The following PIK3R4 variants were observed in gnomAD, a reference collection of about 807,000 sequenced individuals.
PIK3R4 encodes the protein phosphoinositide 3-kinase regulatory subunit 4.
A neutral mutation model predicts 136.5 loss-of-function variants in PIK3R4; 46 were observed. That is an observed-to-expected ratio of 0.34 (90% CI 0.27 to 0.43). PIK3R4 has a LOEUF of 0.43. Ranked by LOEUF, PIK3R4 falls within the 20% of genes least tolerant of loss-of-function variation. PIK3R4 has a pLI of 1.00. For missense variants in PIK3R4, 1,331 were observed against 1,649.5 expected (o/e 0.81, Z 3.35); for synonymous variants, 557 against 566.7 (o/e 0.98, Z 0.24).
chr3:130,692,524 G>A (rs76757046), intron 13 of PIK3R4, among the ~76,000 whole-genome samples: 3,681 of 152,288 alleles, frequency 0.024, 139 homozygotes, highest in East Asian at 0.1. Context: ...GGTGTGGTAT[G>A]TAATACCTCA....
intron 4 of PIK3R4, among the ~76,000 whole-genome samples, chr3:130,732,800 A>G (rs1001163100): frequency 1.3e-5 from 2 of 151,958 alleles, no homozygotes; most frequent in African/African-American, 4.8e-5. Context: ...CTTTAAAAAA[A>G]AAAAAAGACA....
At chr3:130,718,343 G>C in intron 8 of PIK3R4, 46 bp downstream of exon 8, 1 of 1,539,064 alleles carries the variant, frequency 6.5e-7, no homozygotes, top group Non-Finnish European at 8.9e-7. Context: ...TTTTTAAAGA[G>C]GCACAGTTTG....
At chr3:130,727,700 C>A (rs1361715850) in intron 6 of PIK3R4, among the ~76,000 whole-genome samples, 1 of 152,104 alleles carries the variant, frequency 6.6e-6, no homozygotes. Flanking sequence ...GCATATATTT[C>A]ATAATTGGCC....
intron 4 of PIK3R4, among the ~76,000 whole-genome samples, chr3:130,732,259 C>T (rs1198223812): frequency 3.3e-5 from 5 of 152,114 alleles, no homozygotes; most frequent in African/African-American, 1.2e-4. Context: ...GCAGATTTTT[C>T]AATAAACAGT....
intron 9 of PIK3R4, among the ~76,000 whole-genome samples, chr3:130,715,163 A>T (rs148884730): frequency 0.011 from 1,370 of 129,926 alleles, 32 homozygotes; most frequent in African/African-American, 0.038. Flanking sequence ...TCTCACTGTC[A>T]CCCAGGCTGG....
At chr3:130,699,981 G>A (rs755500657) in intron 13 of PIK3R4, among the ~76,000 whole-genome samples, 3 of 152,200 alleles carry the variant, frequency 2.0e-5, no homozygotes, top group Non-Finnish European at 2.9e-5. Flanking sequence ...GGCACTATAT[G>A]AGAGTGCATC....
At chr3:130,738,604 A>G (rs1017674031) in intron 2 of PIK3R4, among the ~76,000 whole-genome samples, 7 of 152,108 alleles carry the variant, frequency 4.6e-5, no homozygotes, top group African/African-American at 1.4e-4. Flanking sequence ...ACTACACACT[A>G]AAAGAATTAG....
intron 2 of PIK3R4, among the ~76,000 whole-genome samples, chr3:130,742,843 C>G (rs143635383): frequency 6.6e-6 from 1 of 152,238 alleles, no homozygotes. Context: ...ACTCTCAACA[C>G]ACTTCTTCCT....
At chr3:130,694,302 T>C (rs1381767310) in intron 13 of PIK3R4, among the ~76,000 whole-genome samples, 1 of 151,888 alleles carries the variant, frequency 6.6e-6, no homozygotes, top group African/African-American at 2.4e-5. Flanking sequence ...AGATCATCGA[T>C]TTCAGGGAAA....
At chr3:130,693,072 A>C (rs2066527399) in intron 13 of PIK3R4, among the ~76,000 whole-genome samples, 1 of 152,148 alleles carries the variant, frequency 6.6e-6, no homozygotes, top group African/African-American at 2.4e-5. Flanking sequence ...ACTTAATATA[A>C]ATGAAATCAT....
chr3:130,701,924 G>C (rs146339028), intron 13 of PIK3R4, among the ~76,000 whole-genome samples: 341 of 151,954 alleles, frequency 2.2e-3, no homozygotes, highest in African/African-American at 7.7e-3. Flanking sequence ...TTGAAGTCAG[G>C]AGTTCAAGAC....
intron 13 of PIK3R4, among the ~76,000 whole-genome samples, chr3:130,700,086 TATA>T (rs1415897153): frequency 6.6e-6 from 1 of 152,170 alleles, no homozygotes; most frequent in East Asian, 1.9e-4. Context: ...CATTGTAGTT[TATA>T]ATATTAACTT....
Position 130,703,922 on chromosome 3 carries a change from T to C in PIK3R4, c.2933-34A>G, listed in dbSNP as rs564771841. On this transcript the variant is annotated intron_variant, in intron 12 of 19. Coordinates refer to ENST00000356763, the MANE Select transcript of PIK3R4 (RefSeq NM_014602.3). Reference sequence around the variant, plus strand: ...AAGCAAAGGAGTGTATCATAAACTGTAGTTTACAAATACAATGTCCCCATC... The same window carrying C: ...AAGCAAAGGAGTGTATCATAAACTGCAGTTTACAAATACAATGTCCCCATC... 4.0e-6 allele frequency: 6 copies of C among 1,484,926 alleles called. No individual in the cohort carries two copies. In the African/African-American group the frequency reaches 7.0e-5, roughly 17 times the overall value. The allele number at this position is 1,484,926 out of a possible 1,614,324, so 92.0% of individuals were successfully genotyped here. A position where few individuals can be genotyped will look rare whatever the true frequency, so the allele number is the denominator to read the frequency against.
chr3:130,731,303 C>A (rs1439920813), intron 4 of PIK3R4, among the ~76,000 whole-genome samples: 1 of 152,084 alleles, frequency 6.6e-6, no homozygotes, highest in Non-Finnish European at 1.5e-5. Flanking sequence ...TTAAAATAAC[C>A]TTACTTTTTC....
Position 130,741,834 on chromosome 3 carries a change from G to A in PIK3R4, c.733+2652C>T, listed in dbSNP as rs75940987. ...TTGCACATAATATGCTCAAATGCAT[G>A]TCAAAATGAATGAAAGATCTGCAGC... On this transcript the variant is annotated intron_variant, in intron 2 of 19. Transcript: ENST00000356763. 9.0e-3 allele frequency among the ~76,000 whole-genome samples: 1,367 copies of A among 152,278 alleles called. 19 individuals carry two copies. The highest frequency in any genetic ancestry group is 0.053 in the East Asian group (273 of 5,192).
intron 14 of PIK3R4, among the ~76,000 whole-genome samples, chr3:130,689,775 G>A (rs1336990645): frequency 6.6e-6 from 1 of 152,114 alleles, no homozygotes; most frequent in African/African-American, 2.4e-5. Context: ...TTACCACATT[G>A]CACTGAAATT....
At chr3:130,690,463 G>A (rs2066510673) in intron 14 of PIK3R4, 27 bp downstream of exon 14, 1 of 1,578,988 alleles carries the variant, frequency 6.3e-7, no homozygotes, top group Non-Finnish European at 8.7e-7. Context: ...TAAATACAAT[G>A]TTTAAGAAAG....
At chr3:130,716,110 G>A (rs947430348) in intron 9 of PIK3R4, among the ~76,000 whole-genome samples, 3 of 152,102 alleles carry the variant, frequency 2.0e-5, no homozygotes. Flanking sequence ...TTAAATCTAA[G>A]GTTGTTTCTA....
At chr3:130,688,596 T>C (rs1227276603) in intron 14 of PIK3R4, among the ~76,000 whole-genome samples, 1 of 152,228 alleles carries the variant, frequency 6.6e-6, no homozygotes, top group Non-Finnish European at 1.5e-5. Context: ...ATCAATGTTG[T>C]TGCATGAGTC....
Sources: allele counts gnomAD v4.1 joint callset (sites outside exome capture counted in the v4.1 genomes callset), GRCh38; gene constraint gnomAD v4.1.1; transcripts MANE v1.5; gene names NCBI Gene and HGNC (gene_info 2026-07-23, HGNC 2026-07-21).